The following WNT7A variants were observed in gnomAD, a reference collection of about 807,000 sequenced individuals.
WNT7A encodes protein Wnt-7a.
WNT7A carries 16 observed loss-of-function variants against 28.2 expected under a neutral mutation model. The observed-to-expected ratio is 0.57, with a 90% CI of 0.38 to 0.86. The LOEUF is 0.86. WNT7A is among the 40% of genes least tolerant of loss of function. WNT7A has a pLI of 0.00. For synonymous variants in WNT7A, 190 were observed against 195.9 expected (o/e 0.97, Z 0.25); for missense variants, 411 against 489.7 (o/e 0.84, Z 1.52).
chr3:13,849,837 C>A (rs1694599253), intron 3 of WNT7A, among the ~76,000 whole-genome samples: 1 of 152,186 alleles, frequency 6.6e-6, no homozygotes, highest in Admixed American at 6.5e-5. Context: ...GCGGCCTGTG[C>A]AATGGCCCTG....
chr3:13,861,248 C>T (rs1449739302), intron 2 of WNT7A, among the ~76,000 whole-genome samples: 1 of 152,242 alleles, frequency 6.6e-6, no homozygotes, highest in African/African-American at 2.4e-5. Context: ...AGATCCTCCA[C>T]CCCTGGCAGT....
intron 3 of WNT7A, among the ~76,000 whole-genome samples, chr3:13,832,085 C>A (rs867124666): frequency 4.6e-5 from 7 of 151,952 alleles, no homozygotes; most frequent in South Asian, 2.1e-4. Context: ...TGTTCCTGCT[C>A]CTGCTTCTCC....
At chr3:13,879,157 T>C (rs921992494) in intron 1 of WNT7A, among the ~76,000 whole-genome samples, 5 of 152,206 alleles carry the variant, frequency 3.3e-5, no homozygotes, top group African/African-American at 9.6e-5. Flanking sequence ...TCTGGGAGTC[T>C]AAGGGCCCCT....
intron 2 of WNT7A, among the ~76,000 whole-genome samples, chr3:13,870,275 C>T (rs1251204722): frequency 6.6e-6 from 1 of 152,140 alleles, no homozygotes; most frequent in Non-Finnish European, 1.5e-5. Context: ...CTATATGACT[C>T]GTGTCCTTAT....
intron 2 of WNT7A, among the ~76,000 whole-genome samples, chr3:13,856,046 A>C (rs1694724204): frequency 6.6e-6 from 1 of 152,098 alleles, no homozygotes; most frequent in African/African-American, 2.4e-5. Context: ...ACAGACACAA[A>C]CAACTTGTCC....
At chr3:13,875,969 C>G (rs569653519) in intron 1 of WNT7A, 8 of 152,358 alleles carry the variant, frequency 5.3e-5, no homozygotes, top group African/African-American at 1.9e-4. Flanking sequence ...GGGAGGGTGA[C>G]AACACAGATG....
Position 13,874,985 on chromosome 3 carries a change from A to C in WNT7A, c.260T>G (p.Leu87Arg). ...FRNGRWNCSA[L>R]GERTVFGKEL... ...CTTCCCGAAGACGGTGCGCTCTCCC[A>C]GTGCAGAGCAGTTCCAGCGGCCATT... The change falls in exon 2 of 4, where the codon CTG becomes CGG. Residue 87 changes from leucine to arginine, a missense_variant. By Grantham distance (102) the Leu-to-Arg change is moderately radical. Transcript: ENST00000285018. 1 of 1,614,194 alleles carries C rather than the reference A, an allele frequency of 6.2e-7. No individual in the cohort carries two copies. Among genetic ancestry groups the C allele is most frequent in the Non-Finnish European group, 8.5e-7 (1 of 1,180,038 alleles).
chr3:13,866,601 TGAG>T (rs1694913885), intron 2 of WNT7A, among the ~76,000 whole-genome samples: 1 of 151,218 alleles, frequency 6.6e-6, no homozygotes, highest in African/African-American at 2.4e-5. Context: ...GGCTGACAGG[TGAG>T]TAGAGGATAG....
Position 13,874,942 on chromosome 3 carries a change from C to T in WNT7A, c.298+5G>A. On this transcript the variant is annotated splice_donor_5th_base_variant and intron_variant, in intron 2 of 3. Transcript: ENST00000285018. ...CTCTGCGGGGGTGTTTGGGTGAGCA[C>T]ATACCCACTTTGAGCTCCTTCCCGA... is the stretch of plus-strand genomic sequence containing the variant. The T allele has an allele frequency of 6.2e-7, 1 of 1,613,822 alleles. No homozygotes were observed.
chr3:13,874,887 G>T, intron 2 of WNT7A, 60 bp downstream of exon 2: 1 of 1,549,440 alleles, frequency 6.5e-7, no homozygotes, highest in Non-Finnish European at 8.8e-7. Context: ...GGCACCTGAG[G>T]GTATTCTGGT....
chr3:13,854,639 C>T lies in WNT7A; in HGVS notation c.463G>A (p.Asp155Asn), dbSNP rs373826847. The T allele has an allele frequency of 3.4e-5, 55 of 1,614,054 alleles. No individual in the cohort carries two copies. The highest frequency in any genetic ancestry group is 5.0e-5 in the Admixed American group (3 of 60,012). ...GCGAAGCCGATGCCGTAGCGGATGT[C>T]GGCAGAGCAGCCACCCCACTTCCAG... ...EGWKWGGCSA[D>N]IRYGIGFAKV... Residue 155 changes from aspartate to asparagine, a missense_variant, in exon 3 of 4, where the codon GAC becomes AAC. By Grantham distance (23) the Asp-to-Asn change is conservative (BLOSUM62 1). Transcript: ENST00000285018.
At chr3:13,853,178 C>T (rs915876844) in intron 3 of WNT7A, among the ~76,000 whole-genome samples, 7 of 152,228 alleles carry the variant, frequency 4.6e-5, no homozygotes, top group African/African-American at 1.4e-4. Context: ...CTGTGTGCCA[C>T]GCTCTGGAGT....
intron 3 of WNT7A, among the ~76,000 whole-genome samples, chr3:13,844,850 T>A (rs983189183): frequency 1.3e-5 from 2 of 152,074 alleles, no homozygotes; most frequent in Admixed American, 6.5e-5. Context: ...AGTTTCTCCT[T>A]CCCTCTAGGA....
At position 13,826,495 on chromosome 3, in the gene WNT7A, G is replaced by A. The variant is rs1694198523; in HGVS notation, c.571-7072C>T. Reference sequence around the variant, plus strand: ...TTTCAGATTGGGAAACAGACACAGAGAACTGAAAGAGGGAGCAGGCTTAAG... The same window carrying A: ...TTTCAGATTGGGAAACAGACACAGAAAACTGAAAGAGGGAGCAGGCTTAAG... On this transcript the variant is annotated intron_variant, in intron 3 of 3. Coordinates refer to ENST00000285018, the MANE Select transcript of WNT7A (RefSeq NM_004625.4). 2.0e-5 allele frequency among the ~76,000 whole-genome samples: 3 copies of A among 152,174 alleles called. No individual in the cohort carries two copies. In the South Asian group the frequency reaches 6.2e-4, roughly 32 times the overall value.
intron 3 of WNT7A, among the ~76,000 whole-genome samples, chr3:13,829,457 A>C (rs1178796596): frequency 6.6e-6 from 1 of 152,194 alleles, no homozygotes; most frequent in Non-Finnish European, 1.5e-5. Flanking sequence ...ATCTCACAGA[A>C]CTGGCGCCCA....
chr3:13,832,240 C>T (rs1468290235), intron 3 of WNT7A, among the ~76,000 whole-genome samples: 2 of 145,156 alleles, frequency 1.4e-5, no homozygotes, highest in East Asian at 2.1e-4. Flanking sequence ...CTCCTTCTCC[C>T]CCTCCTCCTC....
chr3:13,855,507 T>C (rs1450449305), intron 2 of WNT7A, among the ~76,000 whole-genome samples: 1 of 152,164 alleles, frequency 6.6e-6, no homozygotes, highest in African/African-American at 2.4e-5. Flanking sequence ...TCCCCTCCCT[T>C]CTTCTGTGGC....
intron 1 of WNT7A, among the ~76,000 whole-genome samples, 163 bp downstream of exon 1, chr3:13,879,583 G>A (rs1695175050): frequency 6.6e-6 from 1 of 152,106 alleles, no homozygotes; most frequent in African/African-American, 2.4e-5. Context: ...GGGGTGTCCT[G>A]CGGGGGGCCT....
At chr3:13,822,551 G>A (rs749582256) in intron 3 of WNT7A, among the ~76,000 whole-genome samples, 34 of 152,236 alleles carry the variant, frequency 2.2e-4, no homozygotes, top group Non-Finnish European at 1.9e-4. Flanking sequence ...ATTAATGGTT[G>A]CAGAGAAGAA....
Sources: allele counts gnomAD v4.1 joint callset (sites outside exome capture counted in the v4.1 genomes callset), GRCh38; gene constraint gnomAD v4.1.1; transcripts MANE v1.5; gene names NCBI Gene and HGNC (gene_info 2026-07-23, HGNC 2026-07-21).